Variants in ZFPM2 observed in about 807,000 individuals in gnomAD.
The protein encoded by ZFPM2 is zinc finger protein, FOG family member 2.
A neutral mutation model predicts 98.6 loss-of-function variants in ZFPM2; 20 were observed. The observed-to-expected ratio is 0.20, with a 90% CI of 0.14 to 0.29. ZFPM2 has a LOEUF of 0.29. ZFPM2 is among the 10% of genes least tolerant of loss of function. The pLI is 1.00. For missense variants in ZFPM2, 1,310 were observed against 1,388.6 expected (o/e 0.94, Z 0.90); for synonymous variants, 518 against 502.7 (o/e 1.03, Z -0.41).
At chr8:105,699,734 T>C (rs142007071) in intron 5 of ZFPM2, among the ~76,000 whole-genome samples, 188 of 152,230 alleles carry the variant, frequency 1.2e-3, no homozygotes, top group African/African-American at 4.3e-3. Flanking sequence ...GTGAGAAATA[T>C]AATGCAAACT....
At chr8:105,641,908 TGCATGAA>T (rs1816955342) in intron 5 of ZFPM2, among the ~76,000 whole-genome samples, 2 of 152,088 alleles carry the variant, frequency 1.3e-5, no homozygotes, top group Admixed American at 1.3e-4. Context: ...CCTGGATCCA[TGCATGAA>T]TGAAGCTTCT....
At chr8:105,761,338 A>C (rs1342060617) in intron 5 of ZFPM2, among the ~76,000 whole-genome samples, 7 of 152,020 alleles carry the variant, frequency 4.6e-5, no homozygotes, top group Non-Finnish European at 1.5e-5. Context: ...TGTGTGTTCT[A>C]TGAATACAGG....
chr8:105,554,205 A>G (rs1209413131), intron 3 of ZFPM2, among the ~76,000 whole-genome samples: 2 of 152,170 alleles, frequency 1.3e-5, no homozygotes, highest in Non-Finnish European at 2.9e-5. Context: ...TCAATATAGC[A>G]TAATATAAAT....
chr8:105,327,982 G>C (rs1812145766), intron 1 of ZFPM2, among the ~76,000 whole-genome samples: 1 of 151,708 alleles, frequency 6.6e-6, no homozygotes, highest in African/African-American at 2.4e-5. Flanking sequence ...ATTTGTGTGT[G>C]TGTGTTTTTT....
chr8:105,474,491 A>C (rs564323619), intron 3 of ZFPM2, among the ~76,000 whole-genome samples: 162 of 152,282 alleles, frequency 1.1e-3, no homozygotes, highest in African/African-American at 3.6e-3. Context: ...ACATCAAAAG[A>C]TTTGTGATTT....
Position 105,803,198 on chromosome 8 carries a change from G to A in ZFPM2, c.3116G>A (p.Arg1039Gln), listed in dbSNP as rs779563157. ...TCTCTGCCATTGTTGCCCAAAAATC[G>A]AGGAATGGTAATAGTGAATGGTGGA... Reference protein sequence around the residue: ...KDSLPLLPKNRGMVIVNGGLK... With the variant: ...KDSLPLLPKNQGMVIVNGGLK... Residue 1039 changes from arginine to glutamine, a missense_variant, in exon 8 of 8, where the codon CGA (arginine) becomes CAA (glutamine). Transcript: ENST00000407775. 15 of 1,613,738 alleles carry A rather than the reference G, an allele frequency of 9.3e-6. No homozygotes were observed. The highest frequency in any genetic ancestry group is 3.3e-5 in the Admixed American group (2 of 59,986).
chr8:105,403,213 A>T (rs1212043250), intron 1 of ZFPM2, among the ~76,000 whole-genome samples: 2 of 152,096 alleles, frequency 1.3e-5, no homozygotes, highest in African/African-American at 4.8e-5. Flanking sequence ...CCTTAGTGTT[A>T]TACCTACTGC....
intron 7 of ZFPM2, among the ~76,000 whole-genome samples, chr8:105,799,796 C>T (rs1334742601): frequency 2.6e-5 from 4 of 152,204 alleles, no homozygotes; most frequent in East Asian, 1.9e-4. Flanking sequence ...TTGTAGGACA[C>T]CTCTGGGTGA....
intron 2 of ZFPM2, among the ~76,000 whole-genome samples, chr8:105,437,019 A>T (rs1176339150): frequency 3.3e-5 from 5 of 152,176 alleles, no homozygotes; most frequent in Non-Finnish European, 5.9e-5. Flanking sequence ...TTATCATTTC[A>T]TATGAGATTA....
intron 1 of ZFPM2, among the ~76,000 whole-genome samples, chr8:105,361,456 T>C (rs1812860076): frequency 6.6e-6 from 1 of 151,376 alleles, no homozygotes; most frequent in Non-Finnish European, 1.5e-5. Context: ...TCTTTTGCTG[T>C]GCAGAAGCTC....
In ZFPM2 at chr8:105,441,478, G is replaced by GAA. The variant is rs372660232; in HGVS notation, c.200-2800_200-2799dup. On this transcript the variant is annotated intron_variant, in intron 2 of 7. Transcript: ENST00000407775. ...AGAAAGAAAGAAAGAAAGAAAGAAA[G>GAA]AAAGAAAGAAAGAAAGAAAGAAATC... 4.2e-5 allele frequency among the ~76,000 whole-genome samples: 3 copies of GAA among 71,574 alleles called. No individual in the cohort carries two copies. The Admixed American group carries it at 4.6e-4, about 11-fold the overall frequency. The allele number at this position is 71,574 out of a possible 152,430, so 47.0% of individuals were successfully genotyped here.
intron 5 of ZFPM2, among the ~76,000 whole-genome samples, chr8:105,761,026 A>T (rs992951349): frequency 6.6e-6 from 1 of 152,058 alleles, no homozygotes; most frequent in African/African-American, 2.4e-5. Flanking sequence ...AAAAGGACCA[A>T]GTTATAATAG....
chr8:105,640,045 A>G (rs1404715444), intron 5 of ZFPM2, among the ~76,000 whole-genome samples: 1 of 152,038 alleles, frequency 6.6e-6, no homozygotes, highest in Non-Finnish European at 1.5e-5. Context: ...ACACTGTTCT[A>G]ATCACTTTAC....
intron 5 of ZFPM2, among the ~76,000 whole-genome samples, chr8:105,644,223 C>T (rs73297218): frequency 6.7e-4 from 101 of 151,806 alleles, no homozygotes; most frequent in African/African-American, 2.4e-3. Context: ...AACAGTGACA[C>T]TACCTCAGGG....
intron 4 of ZFPM2, among the ~76,000 whole-genome samples, chr8:105,633,812 G>A (rs1420662466): frequency 6.6e-6 from 1 of 152,152 alleles, no homozygotes; most frequent in Non-Finnish European, 1.5e-5. Flanking sequence ...TCAGGACAGA[G>A]CTTTGAAATG....
intron 5 of ZFPM2, among the ~76,000 whole-genome samples, chr8:105,697,290 C>T (rs1811039878): frequency 6.6e-6 from 1 of 152,136 alleles, no homozygotes; most frequent in Non-Finnish European, 1.5e-5. Flanking sequence ...AGATTACTTC[C>T]AATGTTTGGT....
intron 6 of ZFPM2, chr8:105,798,502 C>T (rs533957933): frequency 4.2e-6 from 2 of 475,494 alleles, no homozygotes; most frequent in African/African-American, 3.9e-5. Flanking sequence ...GTTGGAGTCT[C>T]CTCTTTCTCT....
At chr8:105,519,765 C>T (rs1814011228) in intron 3 of ZFPM2, among the ~76,000 whole-genome samples, 1 of 150,354 alleles carries the variant, frequency 6.7e-6, no homozygotes, top group South Asian at 2.1e-4. Flanking sequence ...CCTGAGGTCT[C>T]AAGTGTGTTG....
intron 1 of ZFPM2, among the ~76,000 whole-genome samples, chr8:105,331,168 T>TACACACACACACAC (rs113815707): frequency 6.8e-6 from 1 of 146,664 alleles, no homozygotes; most frequent in Non-Finnish European, 1.5e-5. Flanking sequence ...ATATATATTA[T>TACACACACACACAC]ACACACACAC....
Sources: gnomAD v4.1 joint callset for allele counts (sites outside exome capture counted in the v4.1 genomes callset) on GRCh38, gnomAD v4.1.1 for gene constraint, MANE v1.5 for transcripts, NCBI Gene and HGNC (gene_info 2026-07-23, HGNC 2026-07-21) for gene names.